GDPD4: variants seen among roughly 807,000 people sequenced by gnomAD.
GDPD4 encodes glycerophosphodiester phosphodiesterase 6.
GDPD4 carries 60 observed loss-of-function variants against 67.8 expected under a neutral mutation model. That is an observed-to-expected ratio of 0.88 (90% CI 0.72 to 1.10). GDPD4 has a LOEUF of 1.10. GDPD4 is among the 50% of genes least tolerant of loss of function. GDPD4 has a pLI of 0.00. For missense variants in GDPD4, 623 were observed against 613.9 expected, an observed-to-expected ratio of 1.01 and a Z score of -0.16; for synonymous variants, 212 against 210.9, an observed-to-expected ratio of 1.00 and a Z score of -0.04.
At chr11:77,292,863 C>A (rs1475890475) in intron 1 of GDPD4, among the ~76,000 whole-genome samples, 1 of 152,000 alleles carries the variant, frequency 6.6e-6, no homozygotes, top group East Asian at 1.9e-4. Context: ...GGGCAAATTC[C>A]TTGAAAGACA....
At chr11:77,250,046 T>C (rs1238171259) in intron 11 of GDPD4, among the ~76,000 whole-genome samples, 1 of 152,200 alleles carries the variant, frequency 6.6e-6, no homozygotes, top group Non-Finnish European at 1.5e-5. Flanking sequence ...AAACACAGTA[T>C]TATCTGATTT....
intron 13 of GDPD4, among the ~76,000 whole-genome samples, chr11:77,236,895 G>C (rs574436711): frequency 6.6e-6 from 1 of 152,302 alleles, no homozygotes; most frequent in East Asian, 1.9e-4. Flanking sequence ...TCTTGATCTT[G>C]AGAAGTCTGA....
At chr11:77,239,125 C>T (rs747978393) in intron 13 of GDPD4, among the ~76,000 whole-genome samples, 3 of 152,036 alleles carry the variant, frequency 2.0e-5, no homozygotes, top group African/African-American at 4.8e-5. Context: ...ATAGAAAAAG[C>T]GTTTAACAAA....
intron 5 of GDPD4, 97 bp from the exon 6 acceptor site, chr11:77,271,490 C>A: frequency 1.4e-6 from 1 of 701,018 alleles, no homozygotes; most frequent in Non-Finnish European, 2.5e-6. Context: ...ATGTCAGGGA[C>A]CTTATCTGCT....
At chr11:77,281,256 C>T (rs1307107530) in intron 3 of GDPD4, among the ~76,000 whole-genome samples, 1 of 152,152 alleles carries the variant, frequency 6.6e-6, no homozygotes, top group African/African-American at 2.4e-5. Flanking sequence ...CTGTAAGATG[C>T]AGCTTTCTTG....
At chr11:77,270,098 GTCTT>G (rs1959201440) in intron 7 of GDPD4, 138 bp from the exon 8 acceptor site, 1 of 533,380 alleles carries the variant, frequency 1.9e-6, no homozygotes, top group African/African-American at 1.9e-5. Context: ...TATCTATGCA[GTCTT>G]TCTCTTGCCT....
Position 77,301,631 on chromosome 11 carries a change from C to T in GDPD4, c.-280G>A, listed in dbSNP as rs1235383416. On this transcript the variant is annotated 5_prime_UTR_variant, in exon 1 of 17. Coordinates refer to ENST00000315938, the MANE Select transcript of GDPD4 (RefSeq NM_182833.3). ...GAGACTTCCCAGTCCCAACCCAAAT[C>T]CAATCTTCACGCCTGAGGAGACCAG... The T allele has an allele frequency of 6.6e-6, 1 of 152,174 alleles. No individual in the cohort carries two copies. The highest frequency in any genetic ancestry group is 2.4e-5 in the African/African-American group (1 of 41,424). 9.4% of individuals were successfully genotyped at this position (152,174 alleles called of 1,614,324 possible).
intron 10 of GDPD4, among the ~76,000 whole-genome samples, chr11:77,260,293 T>G (rs1591554820): frequency 7.4e-5 from 9 of 122,426 alleles, no homozygotes; most frequent in African/African-American, 1.0e-4. Flanking sequence ...GCAACAAGAG[T>G]GAAACTCCAT....
intron 14 of GDPD4, 43 bp from the exon 15 acceptor site, chr11:77,229,275 G>T: frequency 8.1e-7 from 1 of 1,242,066 alleles, no homozygotes. Flanking sequence ...ACAGTTAGAA[G>T]GGATTTTGGA....
At position 77,284,310 on chromosome 11, in the gene GDPD4, T is replaced by G. The variant is rs553598022; in HGVS notation, c.53+775A>C. Among the ~76,000 whole-genome samples the G allele has an allele frequency of 2.6e-5, 4 of 152,228 alleles. No individual in the cohort carries two copies. The South Asian group carries it at 8.3e-4, about 32-fold the overall frequency. ...TTTTAAGTGAAAAGAGAAAGCAAAA[T>G]TATGTATACAATATGAGCATAATAT... On this transcript the variant is annotated intron_variant, in intron 3 of 16. Coordinates refer to ENST00000315938, the MANE Select transcript of GDPD4 (RefSeq NM_182833.3).
chr11:77,292,034 A>C (rs1565547319), intron 1 of GDPD4, among the ~76,000 whole-genome samples: 1 of 152,002 alleles, frequency 6.6e-6, no homozygotes, highest in African/African-American at 2.4e-5. Context: ...CTCAAAAAAA[A>C]ATTATTATTA....
At position 77,268,517 on chromosome 11, in the gene GDPD4, A is replaced by T. The variant is rs764748345; in HGVS notation, c.647T>A (p.Met216Lys). The change falls in exon 10 of 17, where the codon ATG (methionine) becomes AAG (lysine). Residue 216 changes from methionine to lysine, a missense_variant. By Grantham distance (95) the Met-to-Lys change is moderately conservative. Transcript: ENST00000315938. ...ATGTTCAACAGCTTTCTCAAAGGAC[A>T]TCATGGTATTCTCAGGCCCCAACTG... ...APMLGPENTM[M>K]SFEKAVEHGA... 1.2e-6 allele frequency: 2 copies of T among 1,613,002 alleles called. No homozygotes were observed. Among genetic ancestry groups the T allele is most frequent in the South Asian group, 2.2e-5 (2 of 91,046 alleles).
At chr11:77,278,773 A>G (rs1276417424) in intron 4 of GDPD4, among the ~76,000 whole-genome samples, 1 of 152,242 alleles carries the variant, frequency 6.6e-6, no homozygotes, top group Non-Finnish European at 1.5e-5. Context: ...AATTTCTCAC[A>G]CTAAGTGACA....
At chr11:77,243,954 C>T in intron 12 of GDPD4, 106 bp from the exon 13 acceptor site, 2 of 717,432 alleles carry the variant, frequency 2.8e-6, no homozygotes, top group South Asian at 1.8e-5. Flanking sequence ...TAGTATTCTA[C>T]AGAGAGTAGA....
intron 13 of GDPD4, among the ~76,000 whole-genome samples, chr11:77,241,816 C>T (rs1198689078): frequency 6.6e-6 from 1 of 151,756 alleles, no homozygotes; most frequent in African/African-American, 2.4e-5. Flanking sequence ...TGGTGGCGTG[C>T]ACCTGTAGTC....
At chr11:77,234,790 T>C (rs578048663) in intron 13 of GDPD4, among the ~76,000 whole-genome samples, 1 of 152,328 alleles carries the variant, frequency 6.6e-6, no homozygotes, top group South Asian at 2.1e-4. Flanking sequence ...CTATTGTGAA[T>C]AGTGCTGCAA....
intron 10 of GDPD4, among the ~76,000 whole-genome samples, chr11:77,259,567 C>CAAAA (rs58042628): frequency 9.0e-5 from 13 of 143,884 alleles, no homozygotes; most frequent in African/African-American, 1.8e-4. Flanking sequence ...CTGAGAAAAG[C>CAAAA]AAAAAAAAAA....
At chr11:77,257,451 C>T (rs1959022427) in intron 11 of GDPD4, among the ~76,000 whole-genome samples, 1 of 151,742 alleles carries the variant, frequency 6.6e-6, no homozygotes, top group Non-Finnish European at 1.5e-5. Context: ...CCATAATCTC[C>T]GATCAACATG....
At chr11:77,268,204 G>A (rs913687338) in intron 10 of GDPD4, among the ~76,000 whole-genome samples, 7 of 152,008 alleles carry the variant, frequency 4.6e-5, no homozygotes, top group African/African-American at 1.2e-4. Flanking sequence ...TTTGCAATGG[G>A]GCCATATGTG....
Sources: gnomAD v4.1 joint callset for allele counts (sites outside exome capture counted in the v4.1 genomes callset) on GRCh38, gnomAD v4.1.1 for gene constraint, MANE v1.5 for transcripts, NCBI Gene and HGNC (gene_info 2026-07-23, HGNC 2026-07-21) for gene names.